Variants in MLPH observed in about 807,000 individuals in gnomAD.
The protein encoded by MLPH is exophilin-3.
In MLPH, 51 loss-of-function variants were observed where a neutral mutation model predicts 72.1. The observed-to-expected ratio is 0.71, with a 90% CI of 0.56 to 0.89. MLPH has a LOEUF of 0.89. Ranked by LOEUF, MLPH falls within the 40% of genes least tolerant of loss-of-function variation. The pLI is 0.00. For missense variants in MLPH, 743 were observed against 759.9 expected, an observed-to-expected ratio of 0.98 and a Z score of 0.26; for synonymous variants, 301 against 310.1, an observed-to-expected ratio of 0.97 and a Z score of 0.31.
chr2:237,552,936 G>A (rs2081067870), intron 15 of MLPH, among the ~76,000 whole-genome samples: 2 of 152,216 alleles, frequency 1.3e-5, no homozygotes, highest in South Asian at 4.1e-4. Context: ...CCAAGTGTGT[G>A]TGTTACCACA....
chr2:237,545,700 A>C, intron 12 of MLPH: 1 of 1,195,746 alleles, frequency 8.4e-7, no homozygotes, highest in Non-Finnish European at 1.1e-6. Flanking sequence ...AGACAAAACC[A>C]TCCTGATTAG....
chr2:237,510,526 C>G lies in MLPH; in HGVS notation c.111-48C>G. ...ACGTGTACACACTTAAAGCCTGTTGCAAAAACAAGATGCCCAATATATTTC... is the reference window on the plus strand; with the variant it reads ...ACGTGTACACACTTAAAGCCTGTTGGAAAAACAAGATGCCCAATATATTTC... On this transcript the variant is annotated intron_variant, in intron 2 of 15. Transcript: ENST00000264605. The surrounding 1 kb of genome is among the most constrained non-coding windows in gnomAD (Gnocchi z 4.4). The G allele has an allele frequency of 6.3e-7, 1 of 1,584,100 alleles. No homozygotes were observed. Among genetic ancestry groups the G allele is most frequent in the Non-Finnish European group, 8.6e-7 (1 of 1,157,320 alleles).
intron 2 of MLPH, among the ~76,000 whole-genome samples, chr2:237,504,319 C>T (rs1475549828): frequency 3.3e-5 from 5 of 152,116 alleles, no homozygotes; most frequent in Admixed American, 1.3e-4. Flanking sequence ...TGGGTTTAAG[C>T]GATTCTCCTG....
At chr2:237,506,612 A>T (rs1478581038) in intron 2 of MLPH, among the ~76,000 whole-genome samples, 3 of 152,198 alleles carry the variant, frequency 2.0e-5, no homozygotes, top group Non-Finnish European at 4.4e-5. Context: ...AATGGAACAG[A>T]ACAGGACAGG....
intron 5 of MLPH, among the ~76,000 whole-genome samples, chr2:237,519,547 A>C (rs994957332): frequency 6.6e-6 from 1 of 152,170 alleles, no homozygotes; most frequent in African/African-American, 2.4e-5. Context: ...TGCCCCGGCT[A>C]TCCGAAGCCC....
chr2:237,533,455 A>C (rs2106358543), intron 8 of MLPH, among the ~76,000 whole-genome samples: 1 of 132,086 alleles, frequency 7.6e-6, no homozygotes, highest in East Asian at 2.2e-4. Flanking sequence ...GTGCAATGGC[A>C]TGATGTCAGC....
At chr2:237,516,227 G>T (rs1163614086) in intron 4 of MLPH, among the ~76,000 whole-genome samples, 1 of 152,214 alleles carries the variant, frequency 6.6e-6, no homozygotes, top group Admixed American at 6.5e-5. Flanking sequence ...ATGGTCCACG[G>T]GGCCTGCTGG....
chr2:237,510,258 G>A lies in MLPH; in HGVS notation c.111-316G>A, dbSNP rs1040288675. The A allele has an allele frequency of 2.0e-5, 8 of 402,164 alleles. No individual in the cohort carries two copies. The highest frequency in any genetic ancestry group is 2.8e-5 in the Non-Finnish European group (6 of 212,782). The allele number at this position is 402,164 out of a possible 1,614,324, so 24.9% of individuals were successfully genotyped here. A position where few individuals can be genotyped will look rare whatever the true frequency, so the allele number is the denominator to read the frequency against. Reference sequence around the variant, plus strand: ...ATTCTGTGACTGCCCTGGGGAGGGCGCAGTGACCTGCCAACCAAAATTGGT... The same window carrying A: ...ATTCTGTGACTGCCCTGGGGAGGGCACAGTGACCTGCCAACCAAAATTGGT... On this transcript the variant is annotated intron_variant, in intron 2 of 15. Coordinates refer to ENST00000264605, the MANE Select transcript of MLPH (RefSeq NM_024101.7). This position sits in a 1 kb window ranked among gnomAD's most constrained non-coding sequence, Gnocchi z 4.4.
rs903985103 is a variant in MLPH at position 237,510,527 on chromosome 2, A to G, written c.111-47A>G. 6 of 1,589,178 alleles carry G rather than the reference A, an allele frequency of 3.8e-6. No homozygotes were observed. Among genetic ancestry groups the G allele is most frequent in the Non-Finnish European group, 4.3e-6 (5 of 1,161,580 alleles). ...CGTGTACACACTTAAAGCCTGTTGCAAAAACAAGATGCCCAATATATTTCT... is the reference window on the plus strand; with the variant it reads ...CGTGTACACACTTAAAGCCTGTTGCGAAAACAAGATGCCCAATATATTTCT... On this transcript the variant is annotated intron_variant, in intron 2 of 15. Transcript: ENST00000264605. The surrounding 1 kb of genome is among the most constrained non-coding windows in gnomAD (Gnocchi z 4.4).
intron 1 of MLPH, among the ~76,000 whole-genome samples, chr2:237,489,166 A>G (rs2079379265): frequency 6.6e-6 from 1 of 152,220 alleles, no homozygotes; most frequent in Non-Finnish European, 1.5e-5. Context: ...ACCTCTCAGC[A>G]CCATCCTCCT....
chr2:237,487,596 G>A (rs1198506591), intron 1 of MLPH, among the ~76,000 whole-genome samples, 159 bp downstream of exon 1: 1 of 152,252 alleles, frequency 6.6e-6, no homozygotes, highest in East Asian at 1.9e-4. Flanking sequence ...TGAGGACAGC[G>A]CGTTCCCAGC....
rs1038887679 is a variant in MLPH, at chr2:237,524,037, C to T, written c.676-1564C>T. Among the ~76,000 whole-genome samples, 5 of 151,956 alleles carry T rather than the reference C, an allele frequency of 3.3e-5. No homozygotes were observed. The East Asian group carries it at 5.8e-4, about 18-fold the overall frequency. ...AGTAGTAGTAGAGTGATCTCTAAGT[C>T]GAACAGGAGGAACGTGATGGCTACT... is the stretch of plus-strand genomic sequence containing the variant. On this transcript the variant is annotated intron_variant, in intron 6 of 15. Coordinates refer to ENST00000264605, the MANE Select transcript of MLPH (RefSeq NM_024101.7).
chr2:237,514,400 A>G (rs1201159288), intron 4 of MLPH, among the ~76,000 whole-genome samples: 1 of 152,186 alleles, frequency 6.6e-6, no homozygotes, highest in African/African-American at 2.4e-5. Context: ...ATGCCCAGCC[A>G]GATAATTTCT....
intron 8 of MLPH, 126 bp downstream of exon 8, chr2:237,527,642 T>C (rs2080333159): frequency 1.7e-6 from 2 of 1,200,226 alleles, no homozygotes; most frequent in African/African-American, 3.0e-5. Flanking sequence ...TGCACAAGCC[T>C]ACTTAATGGA....
chr2:237,506,904 C>T (rs562909730), intron 2 of MLPH, among the ~76,000 whole-genome samples: 4 of 152,102 alleles, frequency 2.6e-5, no homozygotes, highest in Admixed American at 2.0e-4. Context: ...GTTTTCTAGG[C>T]TGTAGTATTT....
chr2:237,499,805 C>T (rs2079609170), intron 2 of MLPH, among the ~76,000 whole-genome samples: 1 of 151,994 alleles, frequency 6.6e-6, no homozygotes, highest in Non-Finnish European at 1.5e-5. Context: ...AGTGCAGTGG[C>T]GTGATCATGG....
chr2:237,503,281 G>A (rs2079691814), intron 2 of MLPH, among the ~76,000 whole-genome samples: 2 of 152,162 alleles, frequency 1.3e-5, no homozygotes, highest in African/African-American at 4.8e-5. Flanking sequence ...AGGGCCTGGA[G>A]GGGAACATTG....
chr2:237,518,720 T>C, intron 5 of MLPH, 72 bp downstream of exon 5: 1 of 1,235,100 alleles, frequency 8.1e-7, no homozygotes, highest in East Asian at 2.5e-5. Flanking sequence ...CAGGTTCTGA[T>C]TTCCTGAAAA....
At chr2:237,530,106 G>A (rs899525544) in intron 8 of MLPH, among the ~76,000 whole-genome samples, 1 of 152,238 alleles carries the variant, frequency 6.6e-6, no homozygotes, top group African/African-American at 2.4e-5. Context: ...AGGACGACCT[G>A]AGATGGAGCA....
Sources: gnomAD v4.1 joint callset for allele counts (sites outside exome capture counted in the v4.1 genomes callset) on GRCh38, gnomAD v4.1.1 for gene constraint, Gnocchi (gnomAD v3.1) non-coding constraint, MANE v1.5 for transcripts, NCBI Gene and HGNC (gene_info 2026-07-23, HGNC 2026-07-21) for gene names.